ACER1: variants seen among roughly 807,000 people sequenced by gnomAD.
The protein encoded by ACER1 is alkaline ceramidase 1.
Under a neutral mutation model 24.9 loss-of-function variants are expected in ACER1, and 28 were observed. The ratio of observed to expected loss-of-function variants is 1.13; its 90% CI spans 0.83 to 1.54. The LOEUF (loss-of-function observed/expected upper bound fraction) is 1.54. Ranked by LOEUF, ACER1 falls within the 40% of genes most tolerant of loss-of-function variation. ACER1 has a pLI of 0.00. For synonymous variants in ACER1, 132 were observed against 131.4 expected (o/e 1.00, Z -0.03); for missense variants, 352 against 349.3 (o/e 1.01, Z -0.06).
the ACER1 span, among the ~76,000 whole-genome samples, chr19:6,341,633 C>G: frequency 0.058 from 8,553 of 148,742 alleles, 402 homozygotes; most frequent in African/African-American, 0.13. Flanking sequence ...TTTTGTTTTT[C>G]TTTTTGTTTT....
the ACER1 span, among the ~76,000 whole-genome samples, chr19:6,345,951 C>T: frequency 2.0e-5 from 3 of 151,770 alleles, no homozygotes; most frequent in Admixed American, 6.6e-5. Flanking sequence ...TGCTTTCAAA[C>T]ACCCAGGCTC....
At chr19:6,312,563 T>C in intron 1 of ACER1, 64 bp from the exon 2 acceptor site, 1 of 1,311,474 alleles carries the variant, frequency 7.6e-7, no homozygotes, top group Non-Finnish European at 1.1e-6. Context: ...GGCTGCCCTC[T>C]GTCCAGACAC....
chr19:6,312,126 C>G, intron 3 of ACER1, 23 bp downstream of exon 3: 1 of 1,610,662 alleles, frequency 6.2e-7, no homozygotes, highest in Non-Finnish European at 8.5e-7. Flanking sequence ...CCACCCTGTC[C>G]AGATGGCCAG....
At chr19:6,339,342 G>A in the ACER1 span, among the ~76,000 whole-genome samples, 2 of 152,166 alleles carry the variant, frequency 1.3e-5, no homozygotes, top group African/African-American at 4.8e-5. Context: ...AGGACATCAA[G>A]CTGGGTGAAA....
At chr19:6,324,847 AAGAG>A (rs1014781846) in intron 1 of ACER1, among the ~76,000 whole-genome samples, 3 of 124,000 alleles carry the variant, frequency 2.4e-5, no homozygotes, top group Admixed American at 1.8e-4. Flanking sequence ...GAAGGAAGGA[AAGAG>A]AGAGAGAGAA....
the ACER1 span, among the ~76,000 whole-genome samples, chr19:6,355,618 G>C: frequency 6.8e-6 from 1 of 146,792 alleles, no homozygotes; most frequent in Admixed American, 6.6e-5. Context: ...CCGGGAGGGA[G>C]GTGGGGGGGG....
chr19:6,307,228 A>G lies in ACER1; in HGVS notation c.551T>C (p.Leu184Pro). The G allele has an allele frequency of 6.2e-7, 1 of 1,614,144 alleles. No individual in the cohort carries two copies. Among genetic ancestry groups the G allele is most frequent in the South Asian group, 1.1e-5 (1 of 91,078 alleles). Residue 184 changes from leucine to proline, a missense_variant, in exon 5 of 6, where the codon CTG becomes CCG. Physicochemically the swap from Leu to Pro is moderately conservative, Grantham distance 98. Coordinates refer to ENST00000301452, the MANE Select transcript of ACER1 (RefSeq NM_133492.3). ...EVSVVLWAVA[L>P]TSWISDRLLC... ...CAGACGGTCACTGATCCAGCTGGTC[A>G]GAGCAACAGCCCATAAAACCACGGA...
At chr19:6,324,779 A>T (rs541383440) in intron 1 of ACER1, among the ~76,000 whole-genome samples, 3 of 150,504 alleles carry the variant, frequency 2.0e-5, no homozygotes, top group Admixed American at 6.7e-5. Context: ...AAAGAAAGAG[A>T]AAGAGAGAGA....
intron 1 of ACER1, among the ~76,000 whole-genome samples, chr19:6,321,263 G>C (rs181951421): frequency 3.2e-4 from 49 of 151,882 alleles, no homozygotes; most frequent in African/African-American, 9.4e-4. Context: ...AGCCACCTGA[G>C]TAGCTGGGAT....
chr19:6,337,432 G>C (rs867729385), upstream of ACER1, among the ~76,000 whole-genome samples: 1 of 150,994 alleles, frequency 6.6e-6, no homozygotes, highest in Middle Eastern at 3.4e-3. Flanking sequence ...TTCCATTCAC[G>C]GTAGGGTTAC....
intron 5 of ACER1, 49 bp downstream of exon 5, chr19:6,307,104 T>C (rs1449845845): frequency 1.2e-6 from 2 of 1,607,290 alleles, no homozygotes; most frequent in African/African-American, 1.3e-5. Flanking sequence ...CTTTGGCATC[T>C]AAGATTCTCT....
the ACER1 span, among the ~76,000 whole-genome samples, chr19:6,339,000 C>T: frequency 6.6e-6 from 1 of 151,922 alleles, no homozygotes; most frequent in Non-Finnish European, 1.5e-5. Context: ...GCTTCAGCCT[C>T]CCGATAGCTG....
the ACER1 span, among the ~76,000 whole-genome samples, chr19:6,343,582 A>G: frequency 6.6e-6 from 1 of 150,642 alleles, no homozygotes; most frequent in African/African-American, 2.5e-5. Context: ...TGTGGCCTCC[A>G]TACCCATCAT....
At chr19:6,323,162 T>C (rs968509779) in intron 1 of ACER1, among the ~76,000 whole-genome samples, 1 of 151,842 alleles carries the variant, frequency 6.6e-6, no homozygotes, top group African/African-American at 2.4e-5. Context: ...GGTTCACACC[T>C]GTAATCCCAG....
chr19:6,321,504 G>T (rs60433440), intron 1 of ACER1, among the ~76,000 whole-genome samples: 1 of 152,070 alleles, frequency 6.6e-6, no homozygotes. Context: ...ACATCCCACC[G>T]CCTGGCATCT....
chr19:6,356,081 G>C, the ACER1 span, among the ~76,000 whole-genome samples: 1 of 151,512 alleles, frequency 6.6e-6, no homozygotes, highest in African/African-American at 2.4e-5. Flanking sequence ...CCATGTCTGT[G>C]TAGAAAGAGG....
At chr19:6,312,618 A>G (rs1468405285) in intron 1 of ACER1, 119 bp from the exon 2 acceptor site, 1 of 733,766 alleles carries the variant, frequency 1.4e-6, no homozygotes, top group Non-Finnish European at 2.4e-6. Context: ...CAGGCAATGC[A>G]TCAACCCAGG....
chr19:6,333,333 A>T, intron 1 of ACER1, 126 bp downstream of exon 1: 1 of 699,790 alleles, frequency 1.4e-6, no homozygotes, highest in Non-Finnish European at 2.3e-6. Flanking sequence ...TTTGGCTAAC[A>T]GATGAGAAAA....
chr19:6,340,346 AGG>A, the ACER1 span, among the ~76,000 whole-genome samples: 1 of 147,698 alleles, frequency 6.8e-6, no homozygotes, highest in Admixed American at 6.8e-5. Context: ...GAAGGAAGGA[AGG>A]AAGGAAGGAA....
Sources: gnomAD v4.1 joint callset for allele counts (sites outside exome capture counted in the v4.1 genomes callset) on GRCh38, gnomAD v4.1.1 for gene constraint, MANE v1.5 for transcripts, NCBI Gene and HGNC (gene_info 2026-07-23, HGNC 2026-07-21) for gene names.